The following ASTN1 variants were observed in gnomAD, a reference collection of about 807,000 sequenced individuals.
The protein encoded by ASTN1 is astrotactin 1.
Under a neutral mutation model 140.7 loss-of-function variants are expected in ASTN1, and 41 were observed. The ratio of observed to expected loss-of-function variants is 0.29; its 90% CI spans 0.23 to 0.38. ASTN1 has a LOEUF of 0.38. Among genes scored for constraint, ASTN1 ranks in the 10% least tolerant of loss-of-function variants. The pLI, the probability that ASTN1 is intolerant of heterozygous loss-of-function variation, is 1.00. For missense variants in ASTN1, 1,479 were observed against 1,678.8 expected (o/e 0.88, Z 2.08); for synonymous variants, 640 against 652.2 (o/e 0.98, Z 0.29).
At chr1:176,933,221 C>T (rs1388544677) in intron 16 of ASTN1, among the ~76,000 whole-genome samples, 1 of 152,216 alleles carries the variant, frequency 6.6e-6, no homozygotes, top group Non-Finnish European at 1.5e-5. Context: ...GTGTGGAGCT[C>T]AGAGAACCAA....
intron 1 of ASTN1, among the ~76,000 whole-genome samples, chr1:177,114,560 A>G (rs1460778885): frequency 6.6e-6 from 1 of 152,172 alleles, no homozygotes; most frequent in East Asian, 1.9e-4. Flanking sequence ...TGGCAAAACA[A>G]CAGCACAATA....
intron 8 of ASTN1, among the ~76,000 whole-genome samples, chr1:176,971,090 A>G (rs1673123178): frequency 6.6e-6 from 1 of 152,214 alleles, no homozygotes; most frequent in African/African-American, 2.4e-5. Flanking sequence ...TTAAACAAAT[A>G]TTCCTTTTCT....
intron 1 of ASTN1, among the ~76,000 whole-genome samples, chr1:177,125,373 T>A (rs894000810): frequency 6.6e-6 from 1 of 152,214 alleles, no homozygotes; most frequent in East Asian, 1.9e-4. Context: ...AAAGATTAAG[T>A]GGATTGATTG....
chr1:176,957,155 C>T lies in ASTN1; in HGVS notation c.1887+523G>A, dbSNP rs530440050. ...CTGGCTGCAAGTGACTCTCTCATCT[C>T]GGCCTCCCAAAGCACTGGGATTACA... On this transcript the variant is annotated intron_variant, in intron 11 of 22. Transcript: ENST00000361833. Among the ~76,000 whole-genome samples, 26 of 152,206 alleles carry T rather than the reference C, an allele frequency of 1.7e-4. No homozygotes were observed. The South Asian group carries it at 5.0e-3, about 29-fold the overall frequency.
chr1:176,861,859 GA>G lies in ASTN1; in HGVS notation c.*2424del, dbSNP rs1225547593. On this transcript the variant is annotated 3_prime_UTR_variant, in exon 23 of 23. Transcript: ENST00000361833. The stretch of plus-strand genomic sequence containing the variant: ...TTGGGAGACTGAGGGAAAGATAGGA[GA>G]GAGGAAGATAGTGTGCCTAAAATAA... The G allele has an allele frequency of 1.0e-6, 1 of 985,294 alleles. No homozygotes were observed. Among genetic ancestry groups the G allele is most frequent in the Non-Finnish European group, 1.2e-6 (1 of 829,844 alleles). 61.0% of individuals were successfully genotyped at this position (985,294 alleles called of 1,614,324 possible).
chr1:176,869,432 G>A (rs1668252995), intron 21 of ASTN1, among the ~76,000 whole-genome samples: 2 of 152,066 alleles, frequency 1.3e-5, no homozygotes, highest in South Asian at 4.1e-4. Flanking sequence ...TTTTACTCAG[G>A]TTTTCTAAAA....
In ASTN1 at chr1:177,076,292, A is replaced by AAAG. The variant is rs1553253134; in HGVS notation, c.284-15028_284-15027insCTT. On this transcript the variant is annotated intron_variant, in intron 1 of 22. Transcript: ENST00000361833. ...AGACTATGTCTCAAAAAAAAAAAAA[A>AAAG]AAAGAAAGAAAGAAAAAGAAAAAGA... is the stretch of plus-strand genomic sequence containing the variant. Among the ~76,000 whole-genome samples, 412 of 149,680 alleles carry AAAG rather than the reference A, an allele frequency of 2.8e-3. 2 individuals carry two copies. Among genetic ancestry groups the AAAG allele is most frequent in the African/African-American group, 9.0e-3 (366 of 40,780 alleles).
At chr1:176,903,084 G>A (rs961145246) in intron 16 of ASTN1, among the ~76,000 whole-genome samples, 3 of 152,088 alleles carry the variant, frequency 2.0e-5, no homozygotes, top group Admixed American at 2.0e-4. Flanking sequence ...GAAGCAAAGG[G>A]GATTTAGCCT....
At chr1:176,924,463 C>A (rs1016819544) in intron 16 of ASTN1, among the ~76,000 whole-genome samples, 1 of 152,220 alleles carries the variant, frequency 6.6e-6, no homozygotes. Flanking sequence ...GGTACATCAA[C>A]TGGCTTCAGT....
At chr1:176,892,503 C>A (rs1451471601) in intron 17 of ASTN1, among the ~76,000 whole-genome samples, 1 of 152,174 alleles carries the variant, frequency 6.6e-6, no homozygotes, top group East Asian at 1.9e-4. Context: ...TAGTGCCATT[C>A]ACTGGCATGG....
chr1:177,110,608 A>G (rs1415744558), intron 1 of ASTN1, among the ~76,000 whole-genome samples: 3 of 152,244 alleles, frequency 2.0e-5, no homozygotes, highest in African/African-American at 7.2e-5. Flanking sequence ...TGCAAGGTAC[A>G]TGGGCCGTTT....
At chr1:177,062,624 A>G (rs1314241681) in intron 1 of ASTN1, among the ~76,000 whole-genome samples, 2 of 151,852 alleles carry the variant, frequency 1.3e-5, no homozygotes, top group Non-Finnish European at 2.9e-5. Context: ...ATAATTTCAC[A>G]GACATAAAAG....
intron 8 of ASTN1, among the ~76,000 whole-genome samples, chr1:177,004,137 C>T (rs1674875437): frequency 6.6e-6 from 1 of 152,050 alleles, no homozygotes; most frequent in South Asian, 2.1e-4. Flanking sequence ...GTCTAGGTTA[C>T]ACAATGTATA....
At chr1:177,001,477 T>C (rs1394589511) in intron 8 of ASTN1, among the ~76,000 whole-genome samples, 1 of 152,240 alleles carries the variant, frequency 6.6e-6, no homozygotes, top group Non-Finnish European at 1.5e-5. Flanking sequence ...ATAATCTTTA[T>C]AACAAATCTA....
At chr1:177,046,002 C>A (rs935615660) in intron 2 of ASTN1, among the ~76,000 whole-genome samples, 68 of 152,188 alleles carry the variant, frequency 4.5e-4, no homozygotes, top group African/African-American at 1.5e-3. Context: ...TCTGTTTCTG[C>A]AGAGTGACTA....
intron 11 of ASTN1, among the ~76,000 whole-genome samples, chr1:176,951,077 C>T (rs1281763473): frequency 1.3e-5 from 2 of 152,192 alleles, no homozygotes; most frequent in Non-Finnish European, 2.9e-5. Context: ...ACAAATGGCC[C>T]CCTGTGGGCC....
chr1:176,894,339 C>T (rs1669398847), intron 17 of ASTN1, among the ~76,000 whole-genome samples: 1 of 152,206 alleles, frequency 6.6e-6, no homozygotes, highest in Non-Finnish European at 1.5e-5. Flanking sequence ...TCAGTTGTGA[C>T]TCCTGAATCA....
rs1419787725 is a variant in ASTN1, at chr1:176,949,349, G to A, written c.1890C>T (p.Cys630=). 1 of 1,612,078 alleles carries A rather than the reference G, an allele frequency of 6.2e-7. No homozygotes were observed. Among genetic ancestry groups the A allele is most frequent in the Non-Finnish European group, 8.5e-7 (1 of 1,178,716 alleles). ...CCTTCATGGGACTGAGTCCAGATGG[G>A]CACTGGCACAATCAGAAAACATCCA... is the stretch of plus-strand genomic sequence containing the variant. ...DRKLDSTGCV[C]PSGLSPMKDS... Residue 630 remains cysteine, a splice_region_variant and synonymous_variant, in exon 12 of 23, where the codon TGC becomes TGT. Coordinates refer to ENST00000361833, the MANE Select transcript of ASTN1 (RefSeq NM_004319.3).
intron 1 of ASTN1, among the ~76,000 whole-genome samples, chr1:177,140,488 T>C (rs1682414246): frequency 6.6e-6 from 1 of 152,206 alleles, no homozygotes; most frequent in South Asian, 2.1e-4. Context: ...TAACTTCCTT[T>C]ATCCCGCATG....
Sources: gnomAD v4.1 joint callset for allele counts (sites outside exome capture counted in the v4.1 genomes callset) on GRCh38, gnomAD v4.1.1 for gene constraint, MANE v1.5 for transcripts, NCBI Gene and HGNC (gene_info 2026-07-23, HGNC 2026-07-21) for gene names.